RAB35: variants seen among roughly 807,000 people sequenced by gnomAD.
The protein encoded by RAB35 is ras-related protein Rab-35.
Under a neutral mutation model 28.9 loss-of-function variants are expected in RAB35, and 4 were observed. The observed-to-expected ratio is 0.14, with a 90% CI of 0.07 to 0.32. The LOEUF is 0.32. Ranked by LOEUF, RAB35 falls within the 10% of genes least tolerant of loss-of-function variation. The pLI is 1.00. For missense variants in RAB35, 128 were observed against 274.0 expected (o/e 0.47, Z 3.76); for synonymous variants, 99 against 105.1 (o/e 0.94, Z 0.35).
At chr12:120,101,372 C>A (rs1313491372) in intron 3 of RAB35, among the ~76,000 whole-genome samples, 2 of 152,168 alleles carry the variant, frequency 1.3e-5, no homozygotes, top group Non-Finnish European at 2.9e-5. Flanking sequence ...CAGGGCCTTG[C>A]CTTCCTTGTC....
At chr12:120,101,659 C>T (rs577297440) in intron 3 of RAB35, among the ~76,000 whole-genome samples, 5 of 152,332 alleles carry the variant, frequency 3.3e-5, no homozygotes, top group Non-Finnish European at 5.9e-5. Flanking sequence ...CCCCTCAGGG[C>T]GCCCTGCTGG....
In RAB35 at chr12:120,103,155, G is replaced by T. The variant is rs150893319; in HGVS notation, c.227+671C>A. 1.3e-5 allele frequency among the ~76,000 whole-genome samples: 2 copies of T among 152,314 alleles called. No homozygotes were observed. The highest frequency in any genetic ancestry group is 4.8e-5 in the African/African-American group (2 of 41,576). On this transcript the variant is annotated intron_variant, in intron 3 of 5. Coordinates refer to ENST00000229340, the MANE Select transcript of RAB35 (RefSeq NM_006861.7). The surrounding 1 kb of genome is among the most constrained non-coding windows in gnomAD (Gnocchi z 6.1). ...CAACAGCTCCAAATCGGCCCCTTCA[G>T]ACCCTGCTCTTTCCTAAAACCTGCT...
Position 120,096,611 on chromosome 12 carries a change from C to T in RAB35, c.*634G>A, listed in dbSNP as rs1348384558. The T allele has an allele frequency of 2.3e-6, 3 of 1,289,892 alleles. No homozygotes were observed. The highest frequency in any genetic ancestry group is 1.1e-4 in the East Asian group (2 of 18,028). 79.9% of individuals were successfully genotyped at this position (1,289,892 alleles called of 1,614,324 possible). On this transcript the variant is annotated 3_prime_UTR_variant, in exon 6 of 6. Transcript: ENST00000229340. ...AAGACCTGCCACCTCTGTGGAACTG[C>T]AGGGCCTGCCTTGAGACCAGGTTCC...
chr12:120,097,609 T>C (rs1175692183), intron 5 of RAB35, among the ~76,000 whole-genome samples: 1 of 152,022 alleles, frequency 6.6e-6, no homozygotes, highest in Non-Finnish European at 1.5e-5. Flanking sequence ...TAGCCGGGAG[T>C]GGTGGTGCAC....
chr12:120,095,621 C>T lies in RAB35; in HGVS notation c.*1624G>A, dbSNP rs1335942224. On this transcript the variant is annotated 3_prime_UTR_variant, in exon 6 of 6. Coordinates refer to ENST00000229340, the MANE Select transcript of RAB35 (RefSeq NM_006861.7). ...GCTGCCTGCTGGTCAGCCCTGCAGCCCCCTCCACAGCACCCTCCTTCCCAG... is the reference window on the plus strand; with the variant it reads ...GCTGCCTGCTGGTCAGCCCTGCAGCTCCCTCCACAGCACCCTCCTTCCCAG... The T allele has an allele frequency of 2.6e-5, 4 of 152,218 alleles. No individual in the cohort carries two copies. The highest frequency in any genetic ancestry group is 5.9e-5 in the Non-Finnish European group (4 of 68,180). 9.4% of individuals were successfully genotyped at this position (152,218 alleles called of 1,614,324 possible).
rs201050126 is a variant in RAB35, at chr12:120,107,903, G to A, written c.103+514C>T. Among the ~76,000 whole-genome samples the A allele has an allele frequency of 6.4e-5, 9 of 140,008 alleles. No individual in the cohort carries two copies. In the East Asian group the frequency reaches 1.7e-3, roughly 26 times the overall value. 91.9% of individuals were successfully genotyped at this position (140,008 alleles called of 152,430 possible). ...AAAAAAAAAAAAAAGAATAAATATC[G>A]CCTATATCCCAAGTAGCTAAGCATC... On this transcript the variant is annotated intron_variant, in intron 2 of 5. Transcript: ENST00000229340.
Position 120,108,408 on chromosome 12 carries a change from A to G in RAB35, c.103+9T>C. On this transcript the variant is annotated intron_variant, in intron 2 of 5. Transcript: ENST00000229340. ...CGACACCCCAGCAGCACTGCAGGGG[A>G]GGACTCACCTGAGAAAGTGTTGTCT... 6.2e-7 allele frequency: 1 copy of G among 1,611,522 alleles called. No individual in the cohort carries two copies. The highest frequency in any genetic ancestry group is 8.5e-7 in the Non-Finnish European group (1 of 1,177,620).
chr12:120,111,408 G>A (rs982213546), intron 1 of RAB35, among the ~76,000 whole-genome samples: 2 of 152,030 alleles, frequency 1.3e-5, no homozygotes, highest in Non-Finnish European at 2.9e-5. Context: ...CTGGCCAGGC[G>A]CAGTGGCTCA....
rs1875855726 is a variant in RAB35, at chr12:120,105,962, C to T, written c.104-2013G>A. ...AAAATCACAGGGCCCAAAGGGTCAA[C>T]AGTGTCCAAGTGAAGAAATCTTACT... On this transcript the variant is annotated intron_variant, in intron 2 of 5. Coordinates refer to ENST00000229340, the MANE Select transcript of RAB35 (RefSeq NM_006861.7). Among the ~76,000 whole-genome samples the T allele has an allele frequency of 2.0e-5, 3 of 148,096 alleles. No homozygotes were observed. In the South Asian group the frequency reaches 6.6e-4, roughly 33 times the overall value.
In RAB35 at chr12:120,096,119, G is replaced by A; in HGVS notation, c.*1126C>T. 3.3e-6 allele frequency: 1 copy of A among 302,644 alleles called. No individual in the cohort carries two copies. The allele number at this position is 302,644 out of a possible 1,614,324, so 18.7% of individuals were successfully genotyped here. A position where few individuals can be genotyped will look rare whatever the true frequency, so the allele number is the denominator to read the frequency against. ...GGACAGTGACCAGGGCCTGTCCATG[G>A]TCCCCACCCAGAGGCCCCAGGCATG... On this transcript the variant is annotated 3_prime_UTR_variant, in exon 6 of 6. Transcript: ENST00000229340.
chr12:120,113,536 T>A (rs1374918401), intron 1 of RAB35, among the ~76,000 whole-genome samples: 2 of 151,738 alleles, frequency 1.3e-5, no homozygotes, highest in African/African-American at 4.8e-5. Context: ...AATACAGAAC[T>A]GGCCGGGCGC....
At position 120,098,805 on chromosome 12, in the gene RAB35, C is replaced by T; in HGVS notation, c.477+6G>A. 2 of 1,614,112 alleles carry T rather than the reference C, an allele frequency of 1.2e-6. No homozygotes were observed. The highest frequency in any genetic ancestry group is 1.1e-5 in the South Asian group (1 of 91,076). The stretch of plus-strand genomic sequence containing the variant: ...GTGGCAGAGCCACAGTGGCCCAGGG[C>T]CTCACCTCTTCCACGTTGACATTCT... On this transcript the variant is annotated splice_donor_region_variant and intron_variant, in intron 5 of 5. Coordinates refer to ENST00000229340, the MANE Select transcript of RAB35 (RefSeq NM_006861.7).
chr12:120,096,410 A>G lies in RAB35; in HGVS notation c.*835T>C. On this transcript the variant is annotated 3_prime_UTR_variant, in exon 6 of 6. Transcript: ENST00000229340. ...CACTTGATTTGGCTTCATTTTCTTG[A>G]TCTGTTAAAATAATCCTCCCATAGC... 7.9e-7 allele frequency: 1 copy of G among 1,266,810 alleles called. No homozygotes were observed. The highest frequency in any genetic ancestry group is 1.0e-6 in the Non-Finnish European group (1 of 975,756). The allele number at this position is 1,266,810 out of a possible 1,614,324, so 78.5% of individuals were successfully genotyped here.
In RAB35 at chr12:120,098,835, G is replaced by A; in HGVS notation, c.453C>T (p.Ala151=). The change falls in exon 5 of 6, where the codon GCC becomes GCT. Residue 151 remains alanine (A), a synonymous_variant. Transcript: ENST00000229340. ...CCTCTTCCACGTTGACATTCTCCTTGGCGCTGGTCTCGAACAACTGGATGC... is the reference window on the plus strand; with the variant it reads ...CCTCTTCCACGTTGACATTCTCCTTAGCGCTGGTCTCGAACAACTGGATGC... ...QMGIQLFETS[A]KENVNVEEMF... The A allele has an allele frequency of 6.2e-7, 1 of 1,614,224 alleles. No individual in the cohort carries two copies. The highest frequency in any genetic ancestry group is 8.5e-7 in the Non-Finnish European group (1 of 1,180,046).
At position 120,103,998 on chromosome 12, in the gene RAB35, C is replaced by T; in HGVS notation, c.104-49G>A. ...AGGCCCAGCGCGGTATCTTCCCAGG[C>T]CCTGAGCCCCACGCTGCACACAACA... On this transcript the variant is annotated intron_variant, in intron 2 of 5. Transcript: ENST00000229340. The surrounding 1 kb of genome is among the most constrained non-coding windows in gnomAD (Gnocchi z 6.1). 3.1e-6 allele frequency: 5 copies of T among 1,604,078 alleles called. No homozygotes were observed. Among genetic ancestry groups the T allele is most frequent in the Non-Finnish European group, 4.3e-6 (5 of 1,175,236 alleles).
chr12:120,116,653 C>A lies in RAB35; in HGVS notation c.-3G>T. 8.2e-7 allele frequency: 1 copy of A among 1,223,214 alleles called. No homozygotes were observed. Among genetic ancestry groups the A allele is most frequent in the Non-Finnish European group, 1.0e-6 (1 of 982,298 alleles). 75.8% of individuals were successfully genotyped at this position (1,223,214 alleles called of 1,614,324 possible). On this transcript the variant is annotated 5_prime_UTR_variant, in exon 1 of 6. Transcript: ENST00000229340. The stretch of plus-strand genomic sequence containing the variant: ...AGGTGGTCGTAGTCCCGGGCCATGG[C>A]GGGCGGGGGCGGTGCGCGCGGGCGG...
At chr12:120,105,448 C>T (rs1875831066) in intron 2 of RAB35, among the ~76,000 whole-genome samples, 1 of 152,186 alleles carries the variant, frequency 6.6e-6, no homozygotes, top group African/African-American at 2.4e-5. Context: ...GAACTGAAAA[C>T]AGACTACGAG....
intron 1 of RAB35, among the ~76,000 whole-genome samples, chr12:120,109,475 C>T (rs964254853): frequency 6.6e-6 from 1 of 151,852 alleles, no homozygotes; most frequent in African/African-American, 2.4e-5. Flanking sequence ...AATGGGGTTT[C>T]ATTCAGTCAC....
At position 120,095,232 on chromosome 12, in the gene RAB35, G is replaced by C. The variant is rs1365406312; in HGVS notation, c.*2013C>G. 1.3e-5 allele frequency: 2 copies of C among 152,514 alleles called. No homozygotes were observed. Among genetic ancestry groups the C allele is most frequent in the Admixed American group, 6.5e-5 (1 of 15,272 alleles). The allele number at this position is 152,514 out of a possible 1,614,324, so 9.4% of individuals were successfully genotyped here. A position where few individuals can be genotyped will look rare whatever the true frequency, so the allele number is the denominator to read the frequency against. On this transcript the variant is annotated 3_prime_UTR_variant, in exon 6 of 6. Coordinates refer to ENST00000229340, the MANE Select transcript of RAB35 (RefSeq NM_006861.7). ...AGGAATTTCACATCAGGTCCACTAG[G>C]ACGTCGGTCCAGCCCTGAGTCCCCA...
Sources: allele counts gnomAD v4.1 joint callset (sites outside exome capture counted in the v4.1 genomes callset), GRCh38; gene constraint gnomAD v4.1.1; non-coding constraint Gnocchi (gnomAD v3.1); transcripts MANE v1.5; gene names NCBI Gene and HGNC (gene_info 2026-07-23, HGNC 2026-07-21).